The following RPS6KA2 variants were observed in gnomAD, a reference collection of about 807,000 sequenced individuals.
The protein encoded by RPS6KA2 is ribosomal protein S6 kinase A2.
Under a neutral mutation model 91.8 loss-of-function variants are expected in RPS6KA2, and 42 were observed. The observed-to-expected ratio is 0.46, with a 90% CI of 0.36 to 0.59. The LOEUF (loss-of-function observed/expected upper bound fraction) is 0.59. RPS6KA2 is among the 20% of genes least tolerant of loss of function. RPS6KA2 has a pLI of 0.00. For missense variants in RPS6KA2, 798 were observed against 978.5 expected, an observed-to-expected ratio of 0.82 and a Z score of 2.46; for synonymous variants, 414 against 393.6, an observed-to-expected ratio of 1.05 and a Z score of -0.61.
intron 6 of RPS6KA2, among the ~76,000 whole-genome samples, chr6:166,503,852 G>A (rs6934309): frequency 5.9e-5 from 9 of 152,182 alleles, no homozygotes; most frequent in Admixed American, 1.3e-4. Context: ...GCAAAATATC[G>A]TAGAAATAAT....
intron 2 of RPS6KA2, among the ~76,000 whole-genome samples, chr6:166,776,815 A>G (rs1253978688): frequency 1.3e-5 from 2 of 152,162 alleles, no homozygotes; most frequent in Non-Finnish European, 2.9e-5. Flanking sequence ...TCATCCATTG[A>G]TGGACATGTG....
chr6:166,507,551 C>A (rs1782282835), intron 5 of RPS6KA2, among the ~76,000 whole-genome samples: 1 of 151,598 alleles, frequency 6.6e-6, no homozygotes, highest in Admixed American at 6.6e-5. Flanking sequence ...AGCACACACA[C>A]ACCCACACAC....
intron 1 of RPS6KA2, among the ~76,000 whole-genome samples, chr6:166,565,294 G>A (rs1312744447): frequency 6.6e-6 from 1 of 152,236 alleles, no homozygotes; most frequent in Non-Finnish European, 1.5e-5. Context: ...TGCTGACAGC[G>A]AGGCGGTGGG....
chr6:166,597,511 A>G (rs1785576065), intron 1 of RPS6KA2, among the ~76,000 whole-genome samples: 1 of 152,206 alleles, frequency 6.6e-6, no homozygotes, highest in Non-Finnish European at 1.5e-5. Context: ...AGAAGGAGGA[A>G]GAGCATCTCT....
intron 3 of RPS6KA2, among the ~76,000 whole-genome samples, chr6:166,527,864 T>C (rs1280858473): frequency 6.6e-6 from 1 of 152,236 alleles, no homozygotes; most frequent in East Asian, 1.9e-4. Flanking sequence ...TCACCCATGT[T>C]GGAGTGGGCA....
intron 2 of RPS6KA2, among the ~76,000 whole-genome samples, chr6:166,809,462 T>C (rs772847150): frequency 2.0e-5 from 3 of 152,030 alleles, no homozygotes; most frequent in Admixed American, 6.5e-5. Flanking sequence ...GGGACTGATA[T>C]TAAGAAAAAC....
chr6:166,516,918 G>A (rs1205732386), intron 3 of RPS6KA2, among the ~76,000 whole-genome samples: 3 of 152,212 alleles, frequency 2.0e-5, no homozygotes, highest in Admixed American at 2.0e-4. Flanking sequence ...CTCTGGGTAA[G>A]AGCATCTAAA....
At position 166,434,818 on chromosome 6, in the gene RPS6KA2, G is replaced by A. The variant is rs1268869992; in HGVS notation, c.1333-2328C>T. On this transcript the variant is annotated intron_variant, in intron 14 of 20. Transcript: ENST00000265678. This position sits in a 1 kb window ranked among gnomAD's most constrained non-coding sequence, Gnocchi z 4.4. ...GATACAAGGAGTAAAAAAGGCCGAC[G>A]CGAGCAGGTGCATCCTACGCCATCC... Among the ~76,000 whole-genome samples, 3 of 152,128 alleles carry A rather than the reference G, an allele frequency of 2.0e-5. No homozygotes were observed. Among genetic ancestry groups the A allele is most frequent in the Admixed American group, 6.5e-5 (1 of 15,268 alleles).
chr6:166,701,493 T>C, intron 2 of RPS6KA2: 1 of 1,240,112 alleles, frequency 8.1e-7, no homozygotes, highest in Non-Finnish European at 1.2e-6. Context: ...TAGCATCTGG[T>C]GCTTCCACTG....
intron 2 of RPS6KA2, among the ~76,000 whole-genome samples, chr6:166,663,793 C>A (rs947159598): frequency 6.6e-6 from 1 of 152,118 alleles, no homozygotes; most frequent in African/African-American, 2.4e-5. Flanking sequence ...ACACAGGCTT[C>A]GGCGCTGCAC....
chr6:166,734,546 A>C (rs1261929907), intron 2 of RPS6KA2, among the ~76,000 whole-genome samples: 1 of 152,212 alleles, frequency 6.6e-6, no homozygotes, highest in Admixed American at 6.5e-5. Context: ...GGTTCCCGGC[A>C]ATCATTTCTT....
intron 2 of RPS6KA2, among the ~76,000 whole-genome samples, chr6:166,652,707 CCTT>C (rs1472329801): frequency 1.3e-5 from 2 of 152,036 alleles, no homozygotes; most frequent in Admixed American, 6.5e-5. Context: ...AGAGTTGAGT[CCTT>C]AGTAATTTCA....
intron 14 of RPS6KA2, among the ~76,000 whole-genome samples, chr6:166,442,743 AT>A (rs1779559582): frequency 2.0e-5 from 3 of 152,194 alleles, no homozygotes; most frequent in Non-Finnish European, 4.4e-5. Flanking sequence ...TTTTATGCCT[AT>A]TATGACATCT....
At chr6:166,858,060 A>G (rs961186778) in intron 2 of RPS6KA2, 1 of 687,310 alleles carries the variant, frequency 1.5e-6, no homozygotes, top group Non-Finnish European at 2.7e-6. Flanking sequence ...ACGTTTGTGC[A>G]TGTGTATGTA....
intron 2 of RPS6KA2, among the ~76,000 whole-genome samples, chr6:166,716,171 T>C (rs1191060031): frequency 1.3e-5 from 2 of 151,812 alleles, no homozygotes; most frequent in East Asian, 3.9e-4. Context: ...TTATCACAGG[T>C]TAACTGATGT....
At chr6:166,647,604 C>A (rs1057448155) in intron 2 of RPS6KA2, among the ~76,000 whole-genome samples, 4 of 152,238 alleles carry the variant, frequency 2.6e-5, no homozygotes, top group African/African-American at 9.6e-5. Context: ...CGCTCCCTAA[C>A]AGGAACTCTT....
At chr6:166,674,809 C>T (rs1788573446) in intron 2 of RPS6KA2, among the ~76,000 whole-genome samples, 1 of 152,158 alleles carries the variant, frequency 6.6e-6, no homozygotes, top group Admixed American at 6.5e-5. Context: ...GCTGGGATTA[C>T]AGGCCCCTGC....
chr6:166,516,029 T>C (rs1782632520), intron 3 of RPS6KA2, among the ~76,000 whole-genome samples: 1 of 152,264 alleles, frequency 6.6e-6, no homozygotes, highest in Admixed American at 6.5e-5. Flanking sequence ...ATATGTTGAT[T>C]GATGTCTTAT....
intron 2 of RPS6KA2, among the ~76,000 whole-genome samples, chr6:166,670,186 T>C (rs1261488629): frequency 1.3e-5 from 2 of 152,228 alleles, no homozygotes; most frequent in Non-Finnish European, 2.9e-5. Flanking sequence ...GTAAAGGTAA[T>C]AGGGAGTGGA....
Sources: allele counts gnomAD v4.1 joint callset (sites outside exome capture counted in the v4.1 genomes callset), GRCh38; gene constraint gnomAD v4.1.1; non-coding constraint Gnocchi (gnomAD v3.1); transcripts MANE v1.5; gene names NCBI Gene and HGNC (gene_info 2026-07-23, HGNC 2026-07-21).